Variants in LPAR1 observed in about 807,000 individuals in gnomAD.
The protein encoded by LPAR1 is LPA receptor 1.
A neutral mutation model predicts 23.8 loss-of-function variants in LPAR1; 5 were observed. The ratio of observed to expected loss-of-function variants is 0.21; its 90% confidence interval spans 0.11 to 0.44. LPAR1 has a LOEUF of 0.44. LPAR1 is among the 20% of genes least tolerant of loss of function. The pLI, the probability that LPAR1 is intolerant of heterozygous loss-of-function variation, is 0.99. For missense variants in LPAR1, 311 were observed against 482.8 expected, an observed-to-expected ratio of 0.64 and a Z score of 3.33; for synonymous variants, 160 against 164.7, an observed-to-expected ratio of 0.97 and a Z score of 0.22.
At chr9:110,980,736 A>G (rs1185625309) in intron 2 of LPAR1, among the ~76,000 whole-genome samples, 1 of 152,022 alleles carries the variant, frequency 6.6e-6, no homozygotes. Flanking sequence ...CTTATAGCAA[A>G]CAACAATTTA....
chr9:110,930,042 A>G (rs2135597085), intron 5 of LPAR1, among the ~76,000 whole-genome samples: 1 of 152,328 alleles, frequency 6.6e-6, no homozygotes, highest in East Asian at 1.9e-4. Context: ...ACCTGAAGAC[A>G]TTCTGAAACC....
Position 110,941,843 on chromosome 9 carries a change from C to T in LPAR1, c.371G>A (p.Arg124His). 6.2e-7 allele frequency: 1 copy of T among 1,614,176 alleles called. No homozygotes were observed. The highest frequency in any genetic ancestry group is 8.5e-7 in the Non-Finnish European group (1 of 1,180,026). The change falls in exon 5 of 6, where the codon CGT becomes CAT. Residue 124 changes from arginine (R) to histidine (H), a missense_variant. Around this residue, in one of 2 missense-constraint regions of LPAR1, gnomAD observed 250 missense variants for 427.2 expected, o/e 0.59. Transcript: ENST00000683809. This position sits in a 1 kb window ranked among gnomAD's most constrained non-coding sequence, Gnocchi z 6.1. ...RRLTVSTWLL[R>H]QGLIDTSLTA... Reference sequence around the variant, plus strand: ...CAGGCTGGTGTCAATGAGGCCCTGACGAAGGAGCCATGTGCTAACAGTCAG... The same window carrying T: ...CAGGCTGGTGTCAATGAGGCCCTGATGAAGGAGCCATGTGCTAACAGTCAG...
At chr9:111,031,712 G>T (rs926356509) in intron 2 of LPAR1, among the ~76,000 whole-genome samples, 1 of 152,164 alleles carries the variant, frequency 6.6e-6, no homozygotes, top group Non-Finnish European at 1.5e-5. Context: ...TAAGAATAGG[G>T]AAAATGAGAT....
At chr9:110,883,473 G>T (rs2081429480) in intron 5 of LPAR1, among the ~76,000 whole-genome samples, 2 of 152,062 alleles carry the variant, frequency 1.3e-5, no homozygotes, top group Non-Finnish European at 2.9e-5. Context: ...AAAACAGTTT[G>T]AAAAGAAAAC....
chr9:110,905,656 T>C (rs562651175), intron 5 of LPAR1, among the ~76,000 whole-genome samples: 11 of 152,294 alleles, frequency 7.2e-5, no homozygotes, highest in African/African-American at 2.6e-4. Flanking sequence ...CCCAGCCTGC[T>C]ATGTTTTATA....
chr9:110,975,979 G>A (rs938788578), intron 2 of LPAR1, among the ~76,000 whole-genome samples: 2 of 152,154 alleles, frequency 1.3e-5, no homozygotes, highest in African/African-American at 4.8e-5. Context: ...TCCCTTGGGA[G>A]TGAAGTCTTA....
At chr9:110,913,328 A>G (rs10448268) in intron 5 of LPAR1, among the ~76,000 whole-genome samples, 43,460 of 152,056 alleles carry the variant, frequency 0.29, 6,749 homozygotes, top group South Asian at 0.35. Flanking sequence ...GTTAGATTAA[A>G]TACAGGTTTC....
chr9:110,968,485 T>C (rs562336251), intron 4 of LPAR1, among the ~76,000 whole-genome samples: 2 of 152,266 alleles, frequency 1.3e-5, no homozygotes, highest in East Asian at 1.9e-4. Context: ...CATTCACCTA[T>C]GCTTTTTCTT....
rs2078687352 is a variant in LPAR1 at position 110,874,405 on chromosome 9, A to C, written c.*1016T>G. The C allele has an allele frequency of 1.3e-5, 2 of 152,650 alleles. No homozygotes were observed. Among genetic ancestry groups the C allele is most frequent in the Admixed American group, 1.3e-4 (2 of 15,282 alleles). The allele number at this position is 152,650 out of a possible 1,614,324, so 9.5% of individuals were successfully genotyped here. A position where few individuals can be genotyped will look rare whatever the true frequency, so the allele number is the denominator to read the frequency against. On this transcript the variant is annotated 3_prime_UTR_variant, in exon 6 of 6. Transcript: ENST00000683809. ...ACAGTATGACTCCAATTATGTAAAA[A>C]AAGTATACAATACACATATAGGCAT... is the stretch of plus-strand genomic sequence containing the variant.
intron 5 of LPAR1, among the ~76,000 whole-genome samples, chr9:110,884,501 C>T (rs546044): frequency 0.87 from 132,382 of 152,192 alleles, 58,340 homozygotes; most frequent in Non-Finnish European, 0.92. Context: ...ATTTTTGGCA[C>T]ATAGTAAGTG....
chr9:111,007,422 C>T (rs1406304928), intron 2 of LPAR1, among the ~76,000 whole-genome samples: 2 of 151,972 alleles, frequency 1.3e-5, no homozygotes, highest in African/African-American at 4.8e-5. Flanking sequence ...AAATATATAG[C>T]TTAAACAAGT....
At chr9:110,893,431 G>GA (rs1002889181) in intron 5 of LPAR1, among the ~76,000 whole-genome samples, 7 of 152,194 alleles carry the variant, frequency 4.6e-5, no homozygotes, top group Admixed American at 1.3e-4. Context: ...CACATGGGAA[G>GA]ATACGCACAT....
At chr9:111,001,510 A>G (rs1343078126) in intron 2 of LPAR1, among the ~76,000 whole-genome samples, 4 of 151,442 alleles carry the variant, frequency 2.6e-5, no homozygotes, top group Non-Finnish European at 5.9e-5. Context: ...AAGGGACTGG[A>G]AAAAAAAATG....
chr9:111,011,430 C>T (rs924665590), intron 2 of LPAR1, among the ~76,000 whole-genome samples: 11 of 152,144 alleles, frequency 7.2e-5, no homozygotes, highest in African/African-American at 2.7e-4. Context: ...AGGCAGTTTG[C>T]TAGAAATTCT....
chr9:110,985,892 T>TG (rs1245465580), intron 2 of LPAR1, among the ~76,000 whole-genome samples: 1 of 152,044 alleles, frequency 6.6e-6, no homozygotes, highest in East Asian at 1.9e-4. Context: ...AGGAAAGGCC[T>TG]GGAACTACAG....
chr9:110,923,391 A>G (rs2093776510), intron 5 of LPAR1, among the ~76,000 whole-genome samples: 1 of 152,198 alleles, frequency 6.6e-6, no homozygotes, highest in African/African-American at 2.4e-5. Flanking sequence ...GGGTACCCAT[A>G]CAACCATTCT....
chr9:110,985,585 GC>G (rs2096763990), intron 2 of LPAR1, among the ~76,000 whole-genome samples: 1 of 152,056 alleles, frequency 6.6e-6, no homozygotes, highest in African/African-American at 2.4e-5. Context: ...TATTCTAGAA[GC>G]TGGAGAAACT....
intron 5 of LPAR1, among the ~76,000 whole-genome samples, chr9:110,908,242 A>T (rs1414908138): frequency 6.6e-6 from 1 of 150,524 alleles, no homozygotes; most frequent in African/African-American, 2.4e-5. Context: ...ATTTTACTTA[A>T]ATTATTTTAA....
intron 5 of LPAR1, among the ~76,000 whole-genome samples, chr9:110,908,752 T>A (rs1036467729): frequency 1.3e-5 from 2 of 152,144 alleles, no homozygotes; most frequent in Non-Finnish European, 2.9e-5. Context: ...AAAGGGCAGG[T>A]GTGACCAGCA....
Sources: gnomAD v4.1 joint callset for allele counts (sites outside exome capture counted in the v4.1 genomes callset) on GRCh38, gnomAD v4.1.1 for gene constraint, gnomAD v4.1.1 regional missense constraint, Gnocchi (gnomAD v3.1) non-coding constraint, MANE v1.5 for transcripts, NCBI Gene and HGNC (gene_info 2026-07-23, HGNC 2026-07-21) for gene names.